MATN4: variants seen among roughly 807,000 people sequenced by gnomAD.
MATN4 encodes matrilin-4.
In MATN4, 40 loss-of-function variants were observed where a neutral mutation model predicts 54.6. The observed-to-expected ratio is 0.73, with a 90% CI of 0.57 to 0.95. MATN4 has a LOEUF of 0.95. MATN4 is among the 40% of genes least tolerant of loss of function. MATN4 has a pLI of 0.00. For synonymous variants in MATN4, 351 were observed against 345.3 expected, an observed-to-expected ratio of 1.02 and a Z score of -0.18; for missense variants, 810 against 819.1, an observed-to-expected ratio of 0.99 and a Z score of 0.13.
At chr20:45,307,373 C>T (rs1986810653) in intron 1 of MATN4, among the ~76,000 whole-genome samples, 1 of 152,160 alleles carries the variant, frequency 6.6e-6, no homozygotes, top group Admixed American at 6.5e-5. Context: ...TTTTCCCCTC[C>T]CAGGCCTGGT....
In MATN4 at chr20:45,293,786, T is replaced by TGGTTCTCCA; in HGVS notation, c.1718_1726dup (p.Leu573_Asn575dup). Reference sequence around the variant, plus strand: ...TGGCCCTCACTTCTGGTTGGCCAGCTGGTTCTCCAGATCCTCCAGGCGCGC... The same window carrying TGGTTCTCCA: ...TGGCCCTCACTTCTGGTTGGCCAGCTGGTTCTCCAGGTTCTCCAGATCCTCCAGGCGCGC... On this transcript the variant is annotated inframe_insertion, in exon 10 of 10. Coordinates refer to ENST00000372756, the MANE Select transcript of MATN4 (RefSeq NM_001393530.1). 1 of 1,610,140 alleles carries TGGTTCTCCA rather than the reference T, an allele frequency of 6.2e-7. No individual in the cohort carries two copies. The highest frequency in any genetic ancestry group is 8.5e-7 in the Non-Finnish European group (1 of 1,179,824).
At chr20:45,303,095 AAAAAAAAAAG>A (rs1456039618) in intron 3 of MATN4, among the ~76,000 whole-genome samples, 1 of 147,810 alleles carries the variant, frequency 6.8e-6, no homozygotes, top group South Asian at 2.2e-4. Context: ...AAAAAAAAAA[AAAAAAAAAAG>A]AGAGAGAGAA....
chr20:45,299,745 G>GCT (rs1425149256), intron 6 of MATN4, among the ~76,000 whole-genome samples: 1 of 151,808 alleles, frequency 6.6e-6, no homozygotes, highest in Admixed American at 6.6e-5. Context: ...AAGCATGGTG[G>GCT]GGCACACCTG....
Position 45,293,791 on chromosome 20 carries a change from C to T in MATN4, c.1722G>A (p.Glu574=). The T allele has an allele frequency of 6.2e-7, 1 of 1,610,450 alleles. No individual in the cohort carries two copies. The highest frequency in any genetic ancestry group is 8.5e-7 in the Non-Finnish European group (1 of 1,179,850). Residue 574 remains glutamate, a synonymous_variant, in exon 10 of 10, where the codon GAG becomes GAA. Coordinates refer to ENST00000372756, the MANE Select transcript of MATN4 (RefSeq NM_001393530.1). ...AQLTARLEDL[E]NQLANQK ...CTCACTTCTGGTTGGCCAGCTGGTTCTCCAGATCCTCCAGGCGCGCCGTCA... is the reference window on the plus strand; with the variant it reads ...CTCACTTCTGGTTGGCCAGCTGGTTTTCCAGATCCTCCAGGCGCGCCGTCA...
chr20:45,304,866 AC>A, intron 2 of MATN4, 69 bp from the exon 3 acceptor site: 1 of 1,015,034 alleles, frequency 9.9e-7, no homozygotes, highest in Non-Finnish European at 1.4e-6. Context: ...CCCCTAGGAA[AC>A]CCAGGGGAAA....
intron 1 of MATN4, among the ~76,000 whole-genome samples, chr20:45,307,644 C>T (rs1986847785): frequency 6.6e-6 from 1 of 152,218 alleles, no homozygotes; most frequent in Non-Finnish European, 1.5e-5. Flanking sequence ...CAACTTCTCA[C>T]CTGGCACCCT....
Position 45,301,384 on chromosome 20 carries a change from C to T in MATN4, c.703G>A (p.Gly235Ser), listed in dbSNP as rs1986223011. The T allele has an allele frequency of 6.2e-7, 1 of 1,614,044 alleles. No homozygotes were observed. The change falls in exon 4 of 10, where the codon GGC becomes AGC. Residue 235 changes from glycine to serine, a missense_variant. Transcript: ENST00000372756. ...ACTTGGCAGTGACAGAAATAGGAGC[C>T]TGGGGAATTGACGCAGTGGTGCTCA... ...GCEHHCVNSPGSYFCHCQVGF... is the reference protein window; with the variant it reads ...GCEHHCVNSPSSYFCHCQVGF...
intron 3 of MATN4, among the ~76,000 whole-genome samples, chr20:45,302,050 C>G (rs1986267386): frequency 6.6e-6 from 1 of 152,008 alleles, no homozygotes; most frequent in Non-Finnish European, 1.5e-5. Flanking sequence ...CACATACACG[C>G]TTGTGTATGC....
chr20:45,308,410 G>T (rs537586338), upstream of MATN4: 1 of 597,166 alleles, frequency 1.7e-6, no homozygotes, highest in African/African-American at 1.9e-5. Context: ...TTCCTCCTGA[G>T]GGGGGGCAAA....
chr20:45,295,987 G>A (rs557670065), intron 8 of MATN4, among the ~76,000 whole-genome samples: 3 of 151,966 alleles, frequency 2.0e-5, no homozygotes, highest in South Asian at 2.1e-4. Flanking sequence ...AGGCTGAGGC[G>A]GGTGGATCAC....
At position 45,304,244 on chromosome 20, in the gene MATN4, G is replaced by T; in HGVS notation, c.627C>A (p.Phe209Leu). The T allele has an allele frequency of 3.3e-6, 5 of 1,528,642 alleles. No individual in the cohort carries two copies. Among genetic ancestry groups the T allele is most frequent in the Non-Finnish European group, 4.4e-6 (5 of 1,142,186 alleles). 94.7% of individuals were successfully genotyped at this position (1,528,642 alleles called of 1,614,324 possible). A position where few individuals can be genotyped will look rare whatever the true frequency, so the allele number is the denominator to read the frequency against. ...FDLIQEFGLQ[F>L]QSRLCAIDLC... ...CTAACTCACCACACAGCCGGCTCTGGAACTGCAGGCCGAACTCCTGGATGA... is the reference window on the plus strand; with the variant it reads ...CTAACTCACCACACAGCCGGCTCTGTAACTGCAGGCCGAACTCCTGGATGA... Residue 209 changes from phenylalanine to leucine, a missense_variant, in exon 3 of 10, where the codon TTC becomes TTA. By Grantham distance (22) the Phe-to-Leu change is conservative. Coordinates refer to ENST00000372756, the MANE Select transcript of MATN4 (RefSeq NM_001393530.1).
chr20:45,297,631 T>C (rs1371128548), intron 8 of MATN4, among the ~76,000 whole-genome samples: 1 of 152,174 alleles, frequency 6.6e-6, no homozygotes. Context: ...TAGCCTAGTC[T>C]AGGATTTCTT....
chr20:45,304,904 C>T (rs1213609169), intron 2 of MATN4, 107 bp from the exon 3 acceptor site: 7 of 670,736 alleles, frequency 1.0e-5, no homozygotes, highest in Non-Finnish European at 1.7e-5. Context: ...TAACAGCGCC[C>T]AGCACAGCAA....
At position 45,296,828 on chromosome 20, in the gene MATN4, CATATT is replaced by C. The variant is rs1027878294; in HGVS notation, c.1579+1085_1579+1089del. 1.2e-4 allele frequency among the ~76,000 whole-genome samples: 18 copies of C among 151,546 alleles called. No individual in the cohort carries two copies. The East Asian group carries it at 1.6e-3, about 13-fold the overall frequency. ...GTGCATGTGCATGCATACACAAACA[CATATT>C]ATATAATATAGTATATATAGTATAT... On this transcript the variant is annotated intron_variant, in intron 8 of 9. Transcript: ENST00000372756.
At position 45,307,642 on chromosome 20, in the gene MATN4, C is replaced by T. The variant is rs561115115; in HGVS notation, c.-35+533G>A. 1.5e-3 allele frequency among the ~76,000 whole-genome samples: 227 copies of T among 152,348 alleles called. 1 individual carries two copies. The Middle Eastern group carries it at 0.017, about 11-fold the overall frequency. ...CCATTCTTGGTCTGAGCCAACTTCT[C>T]ACCTGGCACCCTGCCTCCACCCCAG... On this transcript the variant is annotated intron_variant, in intron 1 of 9. Coordinates refer to ENST00000372756, the MANE Select transcript of MATN4 (RefSeq NM_001393530.1).
At chr20:45,306,945 G>A (rs1355680948) in intron 1 of MATN4, 5 of 1,255,178 alleles carry the variant, frequency 4.0e-6, no homozygotes, top group Non-Finnish European at 5.0e-6. Flanking sequence ...GGGGCAGCAG[G>A]TGAGCGCTTA....
chr20:45,303,020 T>C (rs530928570), intron 3 of MATN4, among the ~76,000 whole-genome samples: 7 of 138,884 alleles, frequency 5.0e-5, no homozygotes, highest in Non-Finnish European at 1.1e-4. Context: ...GAGGCGGAGG[T>C]TGCAGTGAGC....
chr20:45,302,829 T>C (rs995950998), intron 3 of MATN4, among the ~76,000 whole-genome samples: 3 of 152,014 alleles, frequency 2.0e-5, no homozygotes, highest in African/African-American at 7.3e-5. Flanking sequence ...ACGCCTGTAA[T>C]CCCAGCGCTT....
intron 6 of MATN4, among the ~76,000 whole-genome samples, chr20:45,299,928 C>T (rs1409314781): frequency 6.9e-6 from 1 of 145,204 alleles, no homozygotes; most frequent in Non-Finnish European, 1.5e-5. Context: ...CCTGTCTTCA[C>T]CATGTGAGGA....
Sources: gnomAD v4.1 joint callset for allele counts (sites outside exome capture counted in the v4.1 genomes callset) on GRCh38, gnomAD v4.1.1 for gene constraint, MANE v1.5 for transcripts, NCBI Gene and HGNC (gene_info 2026-07-23, HGNC 2026-07-21) for gene names.